The following ZNF746 variants were observed in gnomAD, a reference collection of about 807,000 sequenced individuals.
ZNF746 encodes parkin-interacting substrate.
ZNF746 carries 13 observed loss-of-function variants against 41.0 expected under a neutral mutation model. The observed-to-expected ratio is 0.32, with a 90% CI of 0.21 to 0.50. The LOEUF (loss-of-function observed/expected upper bound fraction) is 0.50, where lower values mean the gene tolerates loss of function less well. Among genes scored for constraint, ZNF746 ranks in the 20% least tolerant of loss-of-function variants. The pLI is 0.98. For synonymous variants in ZNF746, 424 were observed against 396.2 expected, an observed-to-expected ratio of 1.07 and a Z score of -0.83; for missense variants, 811 against 922.9, an observed-to-expected ratio of 0.88 and a Z score of 1.57.
At chr7:149,475,660 C>G (rs1042293019) in intron 6 of ZNF746, among the ~76,000 whole-genome samples, 177 bp from the exon 7 acceptor site, 11 of 152,194 alleles carry the variant, frequency 7.2e-5, no homozygotes, top group Admixed American at 2.0e-4. Context: ...CTGCCTCCCC[C>G]TCGAGGACAC....
At chr7:149,482,251 C>G (rs915321917) in intron 4 of ZNF746, among the ~76,000 whole-genome samples, 5 of 152,148 alleles carry the variant, frequency 3.3e-5, no homozygotes, top group Non-Finnish European at 7.4e-5. Context: ...CAAACAAATC[C>G]CCCAGCTATC....
At chr7:149,480,070 C>A (rs760808214) in intron 4 of ZNF746, among the ~76,000 whole-genome samples, 1 of 152,212 alleles carries the variant, frequency 6.6e-6, no homozygotes, top group Non-Finnish European at 1.5e-5. Context: ...AAGACTGTAG[C>A]TTGAAGTGGT....
At chr7:149,487,664 C>T (rs1310571776) in intron 4 of ZNF746, 1 of 151,958 alleles carries the variant, frequency 6.6e-6, no homozygotes, top group East Asian at 1.9e-4. Flanking sequence ...CAACAGCATA[C>T]CTGTACACCT....
Position 149,474,530 on chromosome 7 carries a change from G to T in ZNF746, c.1837C>A (p.Arg613=), listed in dbSNP as rs756247448. Residue 613 remains arginine, a synonymous_variant, in exon 7 of 7, where the codon CGA becomes AGA. Transcript: ENST00000458143. This position sits in a 1 kb window ranked among gnomAD's most constrained non-coding sequence, Gnocchi z 6.3. ...GGCGGCGTCGGGAGTGGCTGGCCTCGGGCCGGGGTCTTGGCGCCCGCTGCA... is the reference window on the plus strand; with the variant it reads ...GGCGGCGTCGGGAGTGGCTGGCCTCTGGCCGGGGTCTTGGCGCCCGCTGCA... The part of the protein sequence containing the change: ...NHAAGAKTPA[R]GQPLPTPPAP... The T allele has an allele frequency of 6.8e-6, 11 of 1,606,340 alleles. No homozygotes were observed. The African/African-American group carries it at 8.0e-5, about 12-fold the overall frequency.
At chr7:149,485,757 AGGCCAGGCACAGTGGTTCACGCCT>A (rs994603292) in intron 4 of ZNF746, among the ~76,000 whole-genome samples, 7 of 152,196 alleles carry the variant, frequency 4.6e-5, no homozygotes, top group African/African-American at 1.7e-4. Context: ...GAACACTAAC[AGGCCAGGCACAGTGGTTCACGCCT>A]GTAATCCCAG....
At chr7:149,483,652 T>C (rs953404273) in intron 4 of ZNF746, among the ~76,000 whole-genome samples, 2 of 151,112 alleles carry the variant, frequency 1.3e-5, no homozygotes, top group Non-Finnish European at 2.9e-5. Context: ...ATTAATGGGT[T>C]AAGCGTCAAT....
intron 4 of ZNF746, chr7:149,491,039 C>T (rs1055434221): frequency 1.3e-5 from 2 of 152,420 alleles, no homozygotes; most frequent in African/African-American, 2.4e-5. Context: ...CTGAGTCCCA[C>T]AAGGCTCAGT....
intron 4 of ZNF746, among the ~76,000 whole-genome samples, chr7:149,483,612 TA>T (rs996022195): frequency 1.3e-4 from 17 of 129,428 alleles, no homozygotes; most frequent in Admixed American, 2.3e-4. Flanking sequence ...TGTAAAAAAA[TA>T]AAAAAAAAAA....
chr7:149,488,378 G>A (rs1469626697), intron 4 of ZNF746: 1 of 152,032 alleles, frequency 6.6e-6, no homozygotes, highest in African/African-American at 2.4e-5. Context: ...GATCATAAAG[G>A]AAAAGACTGA....
At chr7:149,477,980 G>A (rs1279987185) in intron 4 of ZNF746, 1 of 439,962 alleles carries the variant, frequency 2.3e-6, no homozygotes, top group African/African-American at 2.0e-5. Flanking sequence ...AGGCGGGGGA[G>A]GGGAAGAATA....
rs1373424856 is a variant in ZNF746, at chr7:149,474,213, T to TGGCA, written c.*167_*170dup. On this transcript the variant is annotated 3_prime_UTR_variant, in exon 7 of 7. Transcript: ENST00000458143. The surrounding 1 kb of genome is among the most constrained non-coding windows in gnomAD (Gnocchi z 6.3). ...CAGAGAATTCTACTTGGTTTAGAGGTGGCAGCTGTCCTGGTGGATAGTTTC... is the reference window on the plus strand; with the variant it reads ...CAGAGAATTCTACTTGGTTTAGAGGTGGCAGGCAGCTGTCCTGGTGGATAGTTTC... The TGGCA allele has an allele frequency of 1.4e-6, 1 of 696,730 alleles. No individual in the cohort carries two copies. The highest frequency in any genetic ancestry group is 1.8e-5 in the African/African-American group (1 of 55,562). The allele number at this position is 696,730 out of a possible 1,614,324, so 43.2% of individuals were successfully genotyped here. A position where few individuals can be genotyped will look rare whatever the true frequency, so the allele number is the denominator to read the frequency against.
intron 6 of ZNF746, among the ~76,000 whole-genome samples, chr7:149,476,313 C>CA (rs55888950): frequency 0.019 from 1,188 of 63,306 alleles, 119 homozygotes; most frequent in Middle Eastern, 0.031. Flanking sequence ...GACTCCGCCT[C>CA]AAAAAAAAAA....
intron 4 of ZNF746, chr7:149,488,141 G>A (rs1405942602): frequency 6.6e-6 from 1 of 152,130 alleles, no homozygotes; most frequent in Non-Finnish European, 1.5e-5. Context: ...ACAAATCAGT[G>A]GAGAAAAGCT....
rs1353429115 is a variant in ZNF746 at position 149,474,886 on chromosome 7, G to T, written c.1481C>A (p.Pro494His). The change falls in exon 7 of 7, where the codon CCC becomes CAC. Residue 494 changes from proline (P) to histidine (H), a missense_variant. Pro to His is a moderately conservative substitution (Grantham distance 77). Coordinates refer to ENST00000458143, the MANE Select transcript of ZNF746 (RefSeq NM_001394198.1). The surrounding 1 kb of genome is among the most constrained non-coding windows in gnomAD (Gnocchi z 6.3). ...GCCTGTGCCCGGGCCCGACCCGTCG[G>T]GCGCCCCACAGCTGCGCTGGTGCGC... ...LSAHQRSCGA[P>H]DGSGPGTGGG... The T allele has an allele frequency of 6.6e-7, 1 of 1,518,746 alleles. No homozygotes were observed. The highest frequency in any genetic ancestry group is 8.8e-7 in the Non-Finnish European group (1 of 1,138,712). The allele number at this position is 1,518,746 out of a possible 1,614,324, so 94.1% of individuals were successfully genotyped here.
chr7:149,483,067 C>T (rs1184910515), intron 4 of ZNF746, among the ~76,000 whole-genome samples: 3 of 152,182 alleles, frequency 2.0e-5, no homozygotes, highest in East Asian at 3.9e-4. Context: ...AAAATTTAAA[C>T]GACTAGTATT....
chr7:149,487,739 G>A (rs917183143), intron 4 of ZNF746: 8 of 152,072 alleles, frequency 5.3e-5, no homozygotes, highest in Non-Finnish European at 1.0e-4. Context: ...ACTATCAGAA[G>A]AAAACTGTAA....
intron 4 of ZNF746, among the ~76,000 whole-genome samples, chr7:149,479,146 G>A (rs1405141841): frequency 7.5e-6 from 1 of 132,934 alleles, no homozygotes; most frequent in African/African-American, 2.6e-5. Flanking sequence ...AAAACTGAAG[G>A]CATTGTTAAG....
intron 4 of ZNF746, among the ~76,000 whole-genome samples, chr7:149,479,340 G>A (rs750448785): frequency 5.3e-5 from 8 of 152,136 alleles, no homozygotes; most frequent in Non-Finnish European, 1.0e-4. Flanking sequence ...GATATCAGAA[G>A]ACAATGGAAT....
chr7:149,494,237 C>A lies in ZNF746; in HGVS notation c.291G>T (p.Arg97=). The A allele has an allele frequency of 1.2e-6, 2 of 1,614,180 alleles. No homozygotes were observed. The highest frequency in any genetic ancestry group is 4.5e-5 in the East Asian group (2 of 44,870). The change falls in exon 2 of 7, where the codon CGG becomes CGT. Residue 97 remains arginine, a synonymous_variant. Transcript: ENST00000458143. This position sits in a 1 kb window ranked among gnomAD's most constrained non-coding sequence, Gnocchi z 5.6. ...ACTCCCCCTTGCTGCCCGGGGGCAG[C>A]CGCAGGATCCAGAAGTTCCTGTTGC... ...LLRNRNFWIL[R]LPPGSKGESP... is the part of the protein sequence containing the mutation.
Sources: allele counts gnomAD v4.1 joint callset (sites outside exome capture counted in the v4.1 genomes callset), GRCh38; gene constraint gnomAD v4.1.1; non-coding constraint Gnocchi (gnomAD v3.1); transcripts MANE v1.5; gene names NCBI Gene and HGNC (gene_info 2026-07-23, HGNC 2026-07-21).